Variants in SLC25A21 observed in about 807,000 individuals in gnomAD.
The protein encoded by SLC25A21 is mitochondrial 2-oxodicarboxylate carrier.
A neutral mutation model predicts 43.8 loss-of-function variants in SLC25A21; 47 were observed. That is an observed-to-expected ratio of 1.07 (90% CI 0.85 to 1.37). SLC25A21 has a LOEUF of 1.37. SLC25A21 is among the 40% of genes most tolerant of loss of function. The pLI is 0.00. For synonymous variants in SLC25A21, 131 were observed against 121.3 expected (o/e 1.08, Z -0.52); for missense variants, 352 against 350.2 (o/e 1.00, Z -0.04).
intron 1 of SLC25A21, among the ~76,000 whole-genome samples, chr14:37,047,944 T>G (rs1012108112): frequency 1.3e-5 from 2 of 152,220 alleles, no homozygotes; most frequent in Admixed American, 6.5e-5. Flanking sequence ...AAGGAATCTA[T>G]ACATGTAAAT....
At chr14:37,085,740 T>C (rs748949491) in intron 1 of SLC25A21, among the ~76,000 whole-genome samples, 6 of 152,174 alleles carry the variant, frequency 3.9e-5, no homozygotes, top group Admixed American at 1.3e-4. Flanking sequence ...TCCAGTCTAG[T>C]GATAAAAACC....
At chr14:36,688,690 C>A (rs771490862) in intron 7 of SLC25A21, among the ~76,000 whole-genome samples, 3 of 152,218 alleles carry the variant, frequency 2.0e-5, no homozygotes, top group Non-Finnish European at 4.4e-5. Context: ...AACATGCCTT[C>A]CCCAGCTCAC....
At chr14:36,713,983 T>C (rs1347901551) in intron 6 of SLC25A21, among the ~76,000 whole-genome samples, 2 of 151,976 alleles carry the variant, frequency 1.3e-5, no homozygotes, top group Admixed American at 1.3e-4. Context: ...CCAGCCTGGA[T>C]GACAGAGTGA....
At chr14:37,157,929 T>C (rs1963877455) in intron 1 of SLC25A21, among the ~76,000 whole-genome samples, 1 of 151,822 alleles carries the variant, frequency 6.6e-6, no homozygotes, top group Non-Finnish European at 1.5e-5. Flanking sequence ...AACAGAAATA[T>C]CAAAGATCAT....
rs545764850 is a variant in SLC25A21 at position 37,006,253 on chromosome 14, T to C, written c.71-131249A>G. Among the ~76,000 whole-genome samples the C allele has an allele frequency of 1.1e-3, 171 of 152,278 alleles. 1 individual carries two copies. The highest frequency in any genetic ancestry group is 3.8e-3 in the African/African-American group (157 of 41,582). On this transcript the variant is annotated intron_variant, in intron 1 of 9. Coordinates refer to ENST00000331299, the MANE Select transcript of SLC25A21 (RefSeq NM_030631.4). ...GTCTAAATATGAATACATGGGCTTT[T>C]TCCATTGTTGTCTCATTAATAATAG...
chr14:37,036,328 AATG>A (rs1594762585), intron 1 of SLC25A21, among the ~76,000 whole-genome samples: 2 of 152,182 alleles, frequency 1.3e-5, no homozygotes, highest in African/African-American at 4.8e-5. Flanking sequence ...CTTCCCATAC[AATG>A]ATATGTGAAT....
chr14:37,009,513 G>T (rs181793074), intron 1 of SLC25A21, among the ~76,000 whole-genome samples: 165 of 152,122 alleles, frequency 1.1e-3, no homozygotes, highest in African/African-American at 3.7e-3. Context: ...TAGATAGCTT[G>T]GTTTTGTAAG....
At chr14:36,775,412 T>C (rs1886786357) in intron 3 of SLC25A21, among the ~76,000 whole-genome samples, 1 of 152,198 alleles carries the variant, frequency 6.6e-6, no homozygotes, top group Admixed American at 6.5e-5. Context: ...AGCTAATTTA[T>C]ATAATATTAC....
chr14:36,879,423 G>A lies in SLC25A21; in HGVS notation c.71-4419C>T, dbSNP rs1423251851. ...GCTGAACATTATAAAAATTAGAAAA[G>A]CCCCAAAGCAGACTGATACTGTAAA... is the stretch of plus-strand genomic sequence containing the variant. On this transcript the variant is annotated intron_variant, in intron 1 of 9. Transcript: ENST00000331299. Among the ~76,000 whole-genome samples the A allele has an allele frequency of 1.6e-4, 25 of 152,028 alleles. 1 individual carries two copies. The highest frequency in any genetic ancestry group is 2.8e-4 in the Non-Finnish European group (19 of 68,008).
intron 7 of SLC25A21, among the ~76,000 whole-genome samples, chr14:36,707,762 G>C (rs1175375252): frequency 6.6e-6 from 1 of 152,208 alleles, no homozygotes; most frequent in Admixed American, 6.5e-5. Flanking sequence ...CAATGCATTA[G>C]CATTCTTCAG....
Position 36,678,495 on chromosome 14 carries a change from A to T in SLC25A21, c.*2163T>A. 5.9e-6 allele frequency: 9 copies of T among 1,537,014 alleles called. No homozygotes were observed. The highest frequency in any genetic ancestry group is 7.8e-6 in the Non-Finnish European group (9 of 1,146,750). On this transcript the variant is annotated 3_prime_UTR_variant, in exon 10 of 10. Transcript: ENST00000331299. ...TCTGGAGTTCCCAGTCTGGTGAGAA[A>T]ATAGACTATAAACTGAATGGAACAA...
intron 8 of SLC25A21, 115 bp from the exon 9 acceptor site, chr14:36,683,995 C>T: frequency 1.5e-6 from 1 of 669,662 alleles, no homozygotes; most frequent in Non-Finnish European, 2.5e-6. Context: ...TGGAATTACA[C>T]ACATCTCAAA....
At chr14:37,165,114 C>G (rs984611519) in intron 1 of SLC25A21, among the ~76,000 whole-genome samples, 1 of 152,186 alleles carries the variant, frequency 6.6e-6, no homozygotes, top group African/African-American at 2.4e-5. Context: ...CAGTGGCTCA[C>G]GCCTGTAATC....
At chr14:36,982,072 G>A (rs1960037774) in intron 1 of SLC25A21, among the ~76,000 whole-genome samples, 1 of 152,108 alleles carries the variant, frequency 6.6e-6, no homozygotes, top group Admixed American at 6.5e-5. Context: ...TCAAATATCT[G>A]GGAAGTTCTT....
intron 1 of SLC25A21, among the ~76,000 whole-genome samples, chr14:37,168,738 C>A (rs563884732): frequency 1.2e-4 from 19 of 152,138 alleles, no homozygotes; most frequent in Middle Eastern, 3.4e-3. Flanking sequence ...ACAACAACAA[C>A]AAAAAACCCA....
At chr14:36,861,907 A>T (rs1399146751) in intron 2 of SLC25A21, among the ~76,000 whole-genome samples, 2 of 152,166 alleles carry the variant, frequency 1.3e-5, no homozygotes, top group African/African-American at 2.4e-5. Flanking sequence ...TCTACAAGGA[A>T]CTTAAACAAA....
intron 7 of SLC25A21, among the ~76,000 whole-genome samples, chr14:36,696,337 A>G (rs953434637): frequency 6.6e-5 from 10 of 152,146 alleles, no homozygotes; most frequent in African/African-American, 2.4e-4. Flanking sequence ...TTTTTGCATC[A>G]ATGTTCATCA....
intron 2 of SLC25A21, among the ~76,000 whole-genome samples, chr14:36,872,515 A>C (rs1734045051): frequency 6.6e-6 from 1 of 152,192 alleles, no homozygotes; most frequent in African/African-American, 2.4e-5. Flanking sequence ...GTTAGTGCCT[A>C]GGTGATAAAT....
At position 36,679,280 on chromosome 14, in the gene SLC25A21, A is replaced by G. The variant is rs761852269; in HGVS notation, c.*1378T>C. 3.1e-6 allele frequency: 3 copies of G among 981,462 alleles called. No individual in the cohort carries two copies. The highest frequency in any genetic ancestry group is 3.6e-6 in the Non-Finnish European group (3 of 826,324). The allele number at this position is 981,462 out of a possible 1,614,324, so 60.8% of individuals were successfully genotyped here. ...CACGTTGGAAAGGATGTACAACAGA[A>G]GGCTATGTATGTATATACAGTATGT... On this transcript the variant is annotated 3_prime_UTR_variant, in exon 10 of 10. Coordinates refer to ENST00000331299, the MANE Select transcript of SLC25A21 (RefSeq NM_030631.4).
Sources: gnomAD v4.1 joint callset for allele counts (sites outside exome capture counted in the v4.1 genomes callset) on GRCh38, gnomAD v4.1.1 for gene constraint, MANE v1.5 for transcripts, NCBI Gene and HGNC (gene_info 2026-07-23, HGNC 2026-07-21) for gene names.